ACO2: variants seen among roughly 807,000 people sequenced by gnomAD.
The protein encoded by ACO2 is aconitate hydratase, mitochondrial.
Under a neutral mutation model 84.5 loss-of-function variants are expected in ACO2, and 31 were observed. The ratio of observed to expected loss-of-function variants is 0.37; its 90% confidence interval spans 0.28 to 0.50. The LOEUF (loss-of-function observed/expected upper bound fraction) is 0.50, where lower values mean the gene tolerates loss of function less well. Ranked by LOEUF, ACO2 falls within the 20% of genes least tolerant of loss-of-function variation. ACO2 has a pLI of 0.97. For synonymous variants in ACO2, 414 were observed against 412.7 expected, an observed-to-expected ratio of 1.00 and a Z score of -0.04; for missense variants, 685 against 1,029.3, an observed-to-expected ratio of 0.67 and a Z score of 4.58.
rs776637574 is a variant in ACO2, at chr22:41,523,288, G to C, written c.1370+10G>C. ...TTGGCCAGTGGGACAGGTAAGAGGC[G>C]TATCTTTTGACAAGACAGCCCCTTG... On this transcript the variant is annotated intron_variant, in intron 11 of 17. Transcript: ENST00000216254. 25 of 1,597,644 alleles carry C rather than the reference G, an allele frequency of 1.6e-5. No homozygotes were observed. The highest frequency in any genetic ancestry group is 2.0e-5 in the Non-Finnish European group (23 of 1,170,882).
intron 3 of ACO2, among the ~76,000 whole-genome samples, chr22:41,509,989 CCAT>C (rs1198268042): frequency 6.6e-6 from 1 of 151,874 alleles, no homozygotes; most frequent in Non-Finnish European, 1.5e-5. Context: ...GCACCCACCA[CCAT>C]ACCTGGCTAA....
intron 2 of ACO2, among the ~76,000 whole-genome samples, chr22:41,505,249 AAAAT>A (rs943483720): frequency 4.6e-5 from 7 of 152,014 alleles, no homozygotes; most frequent in African/African-American, 1.2e-4. Flanking sequence ...CTACAAAAAT[AAAAT>A]AAATAAATAA....
At chr22:41,516,955 C>T (rs147869593) in intron 6 of ACO2, among the ~76,000 whole-genome samples, 34 of 152,090 alleles carry the variant, frequency 2.2e-4, no homozygotes, top group African/African-American at 8.2e-4. Flanking sequence ...GTCTCAAACT[C>T]CTGACCTCAG....
At chr22:41,474,935 C>T (rs1393380967) in intron 1 of ACO2, among the ~76,000 whole-genome samples, 3 of 151,928 alleles carry the variant, frequency 2.0e-5, no homozygotes, top group African/African-American at 7.3e-5. Context: ...AGGGCAGAAT[C>T]TCATTGATAA....
At chr22:41,504,059 C>A (rs960083844) in intron 2 of ACO2, among the ~76,000 whole-genome samples, 1 of 151,744 alleles carries the variant, frequency 6.6e-6, no homozygotes, top group Non-Finnish European at 1.5e-5. Flanking sequence ...ACTAAAAATA[C>A]AAAAAAATTA....
At chr22:41,497,151 C>T (rs2146103237) in intron 1 of ACO2, among the ~76,000 whole-genome samples, 1 of 152,050 alleles carries the variant, frequency 6.6e-6, no homozygotes, top group East Asian at 1.9e-4. Context: ...TCACTGCAAC[C>T]TCTGCCCCCT....
chr22:41,475,993 C>T lies in ACO2; in HGVS notation c.36+6811C>T, dbSNP rs557936860. ...TAGCTTCGGGCAAAGTCTCAACTCT[C>T]TGTGGTCCTGCAGTTAGTTACACAT... On this transcript the variant is annotated intron_variant, in intron 1 of 17. Transcript: ENST00000216254. Among the ~76,000 whole-genome samples, 7 of 152,066 alleles carry T rather than the reference C, an allele frequency of 4.6e-5. No individual in the cohort carries two copies. In the South Asian group the frequency reaches 1.0e-3, roughly 23 times the overall value.
chr22:41,528,782 TTAAAA>T lies in ACO2; in HGVS notation c.*173_*177del. Reference sequence around the variant, plus strand: ...GACTGTGGTTGTGGTGGGGGGGTTCTTAAAATAACTTTTTAGCCCCCGTCTTCCTA... The same window carrying T: ...GACTGTGGTTGTGGTGGGGGGGTTCTTAACTTTTTAGCCCCCGTCTTCCTA... On this transcript the variant is annotated 3_prime_UTR_variant, in exon 18 of 18. Coordinates refer to ENST00000216254, the MANE Select transcript of ACO2 (RefSeq NM_001098.3). The T allele has an allele frequency of 1.0e-6, 1 of 961,924 alleles. No individual in the cohort carries two copies. Among genetic ancestry groups the T allele is most frequent in the Non-Finnish European group, 1.5e-6 (1 of 675,960 alleles). 59.6% of individuals were successfully genotyped at this position (961,924 alleles called of 1,614,324 possible). A position where few individuals can be genotyped will look rare whatever the true frequency, so the allele number is the denominator to read the frequency against.
intron 9 of ACO2, 34 bp downstream of exon 9, chr22:41,520,310 C>G (rs754759208): frequency 1.9e-6 from 3 of 1,567,584 alleles, no homozygotes; most frequent in Non-Finnish European, 2.6e-6. Flanking sequence ...TTTAGCAGGT[C>G]TCAGGGCCAG....
At chr22:41,504,899 T>C (rs1293180062) in intron 2 of ACO2, among the ~76,000 whole-genome samples, 2 of 151,674 alleles carry the variant, frequency 1.3e-5, no homozygotes, top group African/African-American at 4.8e-5. Flanking sequence ...TCTTTTTATG[T>C]TTTTTGTACA....
At chr22:41,519,523 C>T (rs886419726) in intron 8 of ACO2, among the ~76,000 whole-genome samples, 1 of 151,996 alleles carries the variant, frequency 6.6e-6, no homozygotes, top group East Asian at 1.9e-4. Flanking sequence ...ATTCCAAAAG[C>T]GGCCGGGCAT....
intron 12 of ACO2, 110 bp from the exon 13 acceptor site, chr22:41,524,736 C>T (rs2066563313): frequency 6.5e-7 from 1 of 1,536,958 alleles, no homozygotes; most frequent in Admixed American, 1.7e-5. Context: ...CTGGGAAGAA[C>T]ATGGAAATTT....
chr22:41,499,916 G>T (rs895098433), intron 2 of ACO2, 54 bp downstream of exon 2: 2 of 1,598,688 alleles, frequency 1.3e-6, no homozygotes, highest in African/African-American at 2.7e-5. Context: ...TCTGCTGCCT[G>T]CCCGTCAGGC....
intron 10 of ACO2, 91 bp from the exon 11 acceptor site, chr22:41,523,114 G>C: frequency 6.5e-7 from 1 of 1,542,282 alleles, no homozygotes; most frequent in Non-Finnish European, 8.9e-7. Flanking sequence ...TGGGGTTCCA[G>C]TACAGCACTT....
At chr22:41,484,871 CT>C (rs1231320140) in intron 1 of ACO2, among the ~76,000 whole-genome samples, 106 of 119,004 alleles carry the variant, frequency 8.9e-4, no homozygotes, top group South Asian at 5.4e-3. Flanking sequence ...GGAGTCAGCT[CT>C]TTTTTTTTTT....
Position 41,518,506 on chromosome 22 carries a change from C to G in ACO2, c.966C>G (p.Phe322Leu). Residue 322 changes from phenylalanine (F) to leucine (L), a missense_variant, in exon 8 of 18, where the codon TTC becomes TTG. Physicochemically the swap from Phe to Leu is conservative, Grantham distance 22. Around this residue, in one of 5 missense-constraint regions of ACO2, gnomAD observed 311 missense variants for 441.6 expected, o/e 0.70. Transcript: ENST00000216254. ...REDIANLADE[F>L]KDHLVPDPGC... is the part of the protein sequence containing the mutation. ...ACATTGCCAATCTAGCTGATGAATT[C>G]AAGGATCACTTGGTGCCTGACCCTG... 1 of 1,613,808 alleles carries G rather than the reference C, an allele frequency of 6.2e-7. No homozygotes were observed. The highest frequency in any genetic ancestry group is 8.5e-7 in the Non-Finnish European group (1 of 1,179,818).
chr22:41,479,612 T>A (rs1405329044), intron 1 of ACO2, among the ~76,000 whole-genome samples: 1 of 152,206 alleles, frequency 6.6e-6, no homozygotes, highest in Non-Finnish European at 1.5e-5. Context: ...CTGTTTGGGT[T>A]ATGTCTTTGA....
intron 12 of ACO2, among the ~76,000 whole-genome samples, 169 bp downstream of exon 12, chr22:41,524,110 T>A (rs975828929): frequency 4.6e-5 from 7 of 152,210 alleles, no homozygotes; most frequent in African/African-American, 1.7e-4. Flanking sequence ...TGGGGCTCCC[T>A]GGGTCATGGG....
intron 3 of ACO2, among the ~76,000 whole-genome samples, chr22:41,511,147 G>A (rs2066430336): frequency 6.6e-6 from 1 of 152,004 alleles, no homozygotes; most frequent in Admixed American, 6.6e-5. Flanking sequence ...TGGGACCGCA[G>A]GTGCACAGCT....
Sources: gnomAD v4.1 joint callset for allele counts (sites outside exome capture counted in the v4.1 genomes callset) on GRCh38, gnomAD v4.1.1 for gene constraint, gnomAD v4.1.1 regional missense constraint, MANE v1.5 for transcripts, NCBI Gene and HGNC (gene_info 2026-07-23, HGNC 2026-07-21) for gene names.